The following PARD3B variants were observed in gnomAD, a reference collection of about 807,000 sequenced individuals.
PARD3B encodes the protein par-3 family cell polarity regulator beta, also known as partitioning defective 3 homolog B.
In PARD3B, 103 loss-of-function variants were observed where a neutral mutation model predicts 130.2. The ratio of observed to expected loss-of-function variants is 0.79; its 90% confidence interval spans 0.67 to 0.93. The LOEUF (loss-of-function observed/expected upper bound fraction) is 0.93, where lower values mean the gene tolerates loss of function less well. PARD3B is among the 40% of genes least tolerant of loss of function. The probability of loss-of-function intolerance (pLI) is 0.00; values close to 1 mark genes in which losing one functional copy is unlikely to be tolerated. For synonymous variants in PARD3B, 583 were observed against 553.2 expected (o/e 1.05, Z -0.76); for missense variants, 1,609 against 1,499.2 (o/e 1.07, Z -1.21).
chr2:204,883,379 T>C (rs2046125113), intron 2 of PARD3B, among the ~76,000 whole-genome samples: 1 of 131,996 alleles, frequency 7.6e-6, no homozygotes, highest in South Asian at 2.3e-4. Flanking sequence ...TTTTCTTTTT[T>C]TATTTTATGT....
chr2:204,596,336 A>AT (rs2033288754), intron 1 of PARD3B, among the ~76,000 whole-genome samples: 1 of 151,804 alleles, frequency 6.6e-6, no homozygotes, highest in African/African-American at 2.4e-5. Flanking sequence ...TTTCTTTCAT[A>AT]TTTTTTTCCT....
intron 2 of PARD3B, among the ~76,000 whole-genome samples, chr2:204,809,953 C>T (rs1285106272): frequency 6.6e-6 from 1 of 152,088 alleles, no homozygotes; most frequent in Non-Finnish European, 1.5e-5. Flanking sequence ...AGATCTTTCA[C>T]CTCCCTGGTT....
At chr2:205,070,282 T>C (rs1020293323) in intron 4 of PARD3B, among the ~76,000 whole-genome samples, 5 of 152,082 alleles carry the variant, frequency 3.3e-5, no homozygotes, top group Non-Finnish European at 5.9e-5. Flanking sequence ...TCGTGCCCCA[T>C]GAAATTAGCA....
chr2:204,688,620 T>A (rs1318424777), intron 2 of PARD3B, among the ~76,000 whole-genome samples: 2 of 151,974 alleles, frequency 1.3e-5, no homozygotes, highest in African/African-American at 4.8e-5. Context: ...AATTTCTTAT[T>A]TTTCTGACAA....
At chr2:204,578,206 AT>A (rs2032368062) in intron 1 of PARD3B, among the ~76,000 whole-genome samples, 1 of 152,152 alleles carries the variant, frequency 6.6e-6, no homozygotes, top group African/African-American at 2.4e-5. Flanking sequence ...TCTGCAAGAT[AT>A]TTTTTTAGGC....
Position 204,669,904 on chromosome 2 carries a change from A to C in PARD3B, c.121-16277A>C, listed in dbSNP as rs892634770. Among the ~76,000 whole-genome samples the C allele has an allele frequency of 9.2e-5, 14 of 152,160 alleles. No homozygotes were observed. Among genetic ancestry groups the C allele is most frequent in the Non-Finnish European group, 1.9e-4 (13 of 68,012 alleles). The stretch of plus-strand genomic sequence containing the variant: ...AAAGATAAAGGTAACCACTAAAGGG[A>C]ATAAAAATATTTGAATAACTCTATT... On this transcript the variant is annotated intron_variant, in intron 1 of 22. Transcript: ENST00000406610. This position sits in a 1 kb window ranked among gnomAD's most constrained non-coding sequence, Gnocchi z 4.3.
intron 3 of PARD3B, among the ~76,000 whole-genome samples, chr2:205,002,234 G>T (rs778332541): frequency 1.3e-5 from 2 of 152,246 alleles, no homozygotes; most frequent in East Asian, 3.9e-4. Context: ...AAACAGCCCT[G>T]TTTCATCCCC....
At chr2:205,060,644 CTGTGGGTGCTTAATATATGTTAAT>C (rs1700013132) in intron 4 of PARD3B, among the ~76,000 whole-genome samples, 1 of 151,950 alleles carries the variant, frequency 6.6e-6, no homozygotes, top group East Asian at 1.9e-4. Flanking sequence ...ATTTAGCAGA[CTGTGGGTGCTTAATATATGTTAAT>C]AATAGTGATA....
chr2:205,378,243 A>T (rs969929015), intron 18 of PARD3B, among the ~76,000 whole-genome samples: 10 of 152,174 alleles, frequency 6.6e-5, no homozygotes, highest in African/African-American at 2.4e-4. Flanking sequence ...GGAAGAGAGG[A>T]TGCATTGAAA....
intron 2 of PARD3B, among the ~76,000 whole-genome samples, chr2:204,861,100 T>G (rs1022721741): frequency 5.9e-5 from 9 of 151,842 alleles, no homozygotes; most frequent in Admixed American, 2.0e-4. Context: ...TCCTAATGAT[T>G]TCATTGGGGG....
At chr2:204,926,728 A>G (rs762726361) in intron 2 of PARD3B, among the ~76,000 whole-genome samples, 32 of 152,272 alleles carry the variant, frequency 2.1e-4, no homozygotes, top group Admixed American at 4.6e-4. Flanking sequence ...ATTCTGGTAC[A>G]GTATACCAGA....
At chr2:204,589,135 A>C (rs1276954510) in intron 1 of PARD3B, among the ~76,000 whole-genome samples, 1 of 152,228 alleles carries the variant, frequency 6.6e-6, no homozygotes. Flanking sequence ...AAGGAGCTGT[A>C]TATACCTGGA....
intron 3 of PARD3B, among the ~76,000 whole-genome samples, chr2:205,006,115 A>G (rs903928693): frequency 2.6e-5 from 4 of 152,196 alleles, no homozygotes; most frequent in African/African-American, 9.6e-5. Flanking sequence ...CTCCAGCTCC[A>G]TCCAAGTTGC....
intron 3 of PARD3B, among the ~76,000 whole-genome samples, chr2:205,031,060 A>T (rs753940225): frequency 1.2e-4 from 18 of 152,170 alleles, no homozygotes; most frequent in Non-Finnish European, 1.9e-4. Flanking sequence ...CTTTTGTGAA[A>T]ATATTAGATA....
intron 22 of PARD3B, among the ~76,000 whole-genome samples, chr2:205,615,039 C>G (rs753571425): frequency 6.6e-6 from 1 of 152,180 alleles, no homozygotes; most frequent in African/African-American, 2.4e-5. Context: ...GGCAAACTCA[C>G]TGCCTTGTTT....
intron 1 of PARD3B, among the ~76,000 whole-genome samples, chr2:204,595,132 A>G (rs2033230929): frequency 6.6e-6 from 1 of 152,192 alleles, no homozygotes; most frequent in Admixed American, 6.5e-5. Context: ...GAATTAGACC[A>G]TGAAGGTTTC....
At chr2:204,785,354 C>A (rs1269671796) in intron 2 of PARD3B, among the ~76,000 whole-genome samples, 1 of 152,076 alleles carries the variant, frequency 6.6e-6, no homozygotes, top group African/African-American at 2.4e-5. Flanking sequence ...TCCCCCAGCC[C>A]CTCCTTTAAA....
chr2:204,610,000 C>G (rs1448005055), intron 1 of PARD3B, among the ~76,000 whole-genome samples: 4 of 152,082 alleles, frequency 2.6e-5, no homozygotes, highest in Admixed American at 2.6e-4. Flanking sequence ...ACATGTGACT[C>G]TATACCAGAG....
intron 1 of PARD3B, among the ~76,000 whole-genome samples, chr2:204,651,322 C>G (rs1053186326): frequency 6.6e-6 from 1 of 152,226 alleles, no homozygotes; most frequent in African/African-American, 2.4e-5. Context: ...GGTAGATGCT[C>G]CCATTCCAAA....
Sources: gnomAD v4.1 joint callset for allele counts (sites outside exome capture counted in the v4.1 genomes callset) on GRCh38, gnomAD v4.1.1 for gene constraint, Gnocchi (gnomAD v3.1) non-coding constraint, MANE v1.5 for transcripts, NCBI Gene and HGNC (gene_info 2026-07-23, HGNC 2026-07-21) for gene names.